RALYL: variants seen among roughly 807,000 people sequenced by gnomAD.
RALYL encodes the protein RNA-binding Raly-like protein.
A neutral mutation model predicts 35.1 loss-of-function variants in RALYL; 29 were observed. The observed-to-expected ratio is 0.83, with a 90% confidence interval of 0.61 to 1.13. The LOEUF is 1.13. RALYL is among the 50% of genes most tolerant of loss of function. The probability of loss-of-function intolerance (pLI) is 0.00; values close to 1 mark genes in which losing one functional copy is unlikely to be tolerated. For missense variants in RALYL, 359 were observed against 360.4 expected (o/e 1.00, Z 0.03); for synonymous variants, 120 against 127.6 (o/e 0.94, Z 0.40).
intron 1 of RALYL, among the ~76,000 whole-genome samples, chr8:84,516,161 A>T (rs1264660228): frequency 6.6e-6 from 1 of 152,138 alleles, no homozygotes; most frequent in Non-Finnish European, 1.5e-5. Context: ...TTGTAAACAC[A>T]TTTAATGAAC....
At chr8:84,840,972 A>G (rs1833160348) in intron 4 of RALYL, among the ~76,000 whole-genome samples, 1 of 152,214 alleles carries the variant, frequency 6.6e-6, no homozygotes, top group South Asian at 2.1e-4. Flanking sequence ...AGGAAGCACT[A>G]AACATGGAAA....
intron 1 of RALYL, among the ~76,000 whole-genome samples, chr8:84,503,709 C>T (rs772137199): frequency 9.2e-5 from 14 of 151,708 alleles, no homozygotes; most frequent in African/African-American, 1.2e-4. Flanking sequence ...ATTAGCCAGG[C>T]GTGGTGGCAG....
chr8:84,527,379 C>A (rs1436728852), intron 1 of RALYL, among the ~76,000 whole-genome samples: 1 of 152,182 alleles, frequency 6.6e-6, no homozygotes, highest in Non-Finnish European at 1.5e-5. Context: ...GACCACCGGG[C>A]TCTGTAAACC....
chr8:84,771,161 T>G (rs933442082), intron 2 of RALYL, among the ~76,000 whole-genome samples: 1 of 152,170 alleles, frequency 6.6e-6, no homozygotes, highest in African/African-American at 2.4e-5. Context: ...TTTTGTTCAG[T>G]GTTAGGTTTC....
At chr8:84,378,325 A>AAT in intron 1 of RALYL, among the ~76,000 whole-genome samples, 1 of 151,878 alleles carries the variant, frequency 6.6e-6, no homozygotes, top group East Asian at 1.9e-4. Context: ...TAATCTTTTC[A>AAT]ATATATATAG....
chr8:84,824,532 C>CA (rs972746088), intron 4 of RALYL, among the ~76,000 whole-genome samples: 5 of 151,642 alleles, frequency 3.3e-5, no homozygotes, highest in African/African-American at 1.2e-4. Flanking sequence ...CAAAGGAAAC[C>CA]AAAAAAAGAG....
At chr8:84,866,224 A>T (rs1839145772) in intron 6 of RALYL, among the ~76,000 whole-genome samples, 2 of 152,132 alleles carry the variant, frequency 1.3e-5, no homozygotes, top group Admixed American at 1.3e-4. Flanking sequence ...GGGAGACAAG[A>T]TCTGGGTGGA....
intron 1 of RALYL, among the ~76,000 whole-genome samples, chr8:84,335,148 G>A (rs945362518): frequency 6.6e-6 from 1 of 152,140 alleles, no homozygotes; most frequent in Non-Finnish European, 1.5e-5. Flanking sequence ...GGTTTACTAA[G>A]TTCAAAGAAT....
chr8:84,658,368 T>C (rs1379665587), intron 2 of RALYL, among the ~76,000 whole-genome samples: 2 of 152,200 alleles, frequency 1.3e-5, no homozygotes, highest in Non-Finnish European at 2.9e-5. Flanking sequence ...GGCTGCAACC[T>C]TTATGAAAAG....
At chr8:84,692,047 A>AC (rs1238039954) in intron 2 of RALYL, among the ~76,000 whole-genome samples, 1 of 152,026 alleles carries the variant, frequency 6.6e-6, no homozygotes, top group Non-Finnish European at 1.5e-5. Flanking sequence ...TTTAAAAAAA[A>AC]CTTTGGAAAA....
chr8:84,570,212 C>A (rs1428234480), intron 2 of RALYL, among the ~76,000 whole-genome samples: 1 of 151,916 alleles, frequency 6.6e-6, no homozygotes, highest in Non-Finnish European at 1.5e-5. Context: ...TACTTTCAAT[C>A]CATGAGCATG....
chr8:84,627,690 A>G (rs777576009), intron 2 of RALYL, among the ~76,000 whole-genome samples: 1 of 151,752 alleles, frequency 6.6e-6, no homozygotes, highest in Non-Finnish European at 1.5e-5. Flanking sequence ...GCTCAGACCT[A>G]TTCTATGAGC....
rs1413983600 is a variant in RALYL, at chr8:84,254,776, C to T, written c.-24+70352C>T. ...AAAAAAAAAAGAGGTTTAATTGACTCACAGCTCACCATGGCTGGGGAAGCT... is the reference window on the plus strand; with the variant it reads ...AAAAAAAAAAGAGGTTTAATTGACTTACAGCTCACCATGGCTGGGGAAGCT... On this transcript the variant is annotated intron_variant, in intron 1 of 8. Coordinates refer to ENST00000521268, the MANE Select transcript of RALYL (RefSeq NM_173848.7). 2.2e-5 allele frequency among the ~76,000 whole-genome samples: 3 copies of T among 139,502 alleles called. No homozygotes were observed. In the East Asian group the frequency reaches 6.3e-4, roughly 29 times the overall value. 91.5% of individuals were successfully genotyped at this position (139,502 alleles called of 152,430 possible). A position where few individuals can be genotyped will look rare whatever the true frequency, so the allele number is the denominator to read the frequency against.
chr8:84,656,565 T>A (rs1490397913), intron 2 of RALYL, among the ~76,000 whole-genome samples: 1 of 152,184 alleles, frequency 6.6e-6, no homozygotes, highest in African/African-American at 2.4e-5. Context: ...TCATGATGTT[T>A]GGTAAATAGT....
intron 1 of RALYL, among the ~76,000 whole-genome samples, chr8:84,264,435 C>T (rs1226605750): frequency 1.3e-5 from 2 of 149,488 alleles, no homozygotes; most frequent in Non-Finnish European, 3.0e-5. Flanking sequence ...GTGTCCGTTG[C>T]CCACTTTTTA....
At chr8:84,295,934 G>A (rs1839669122) in intron 1 of RALYL, among the ~76,000 whole-genome samples, 1 of 152,086 alleles carries the variant, frequency 6.6e-6, no homozygotes, top group Non-Finnish European at 1.5e-5. Context: ...ACACTACCAG[G>A]ACACTTTGAG....
chr8:84,747,830 A>G (rs1279606295), intron 2 of RALYL, among the ~76,000 whole-genome samples: 1 of 151,976 alleles, frequency 6.6e-6, no homozygotes, highest in African/African-American at 2.4e-5. Context: ...GACATTTGTC[A>G]CTTAATCACA....
rs537767391 is a variant in RALYL, at chr8:84,806,065, T to G, written c.365+1263T>G. Among the ~76,000 whole-genome samples, 3 of 152,330 alleles carry G rather than the reference T, an allele frequency of 2.0e-5. No individual in the cohort carries two copies. In the South Asian group the frequency reaches 6.2e-4, roughly 32 times the overall value. Reference sequence around the variant, plus strand: ...TACTTTGTACATGGTCATTGAATATTTCTATCAATCACTCATTCAACAACA... The same window carrying G: ...TACTTTGTACATGGTCATTGAATATGTCTATCAATCACTCATTCAACAACA... On this transcript the variant is annotated intron_variant, in intron 4 of 8. Transcript: ENST00000521268.
chr8:84,504,282 C>T (rs552404341), intron 1 of RALYL, among the ~76,000 whole-genome samples: 2 of 152,104 alleles, frequency 1.3e-5, no homozygotes, highest in South Asian at 4.1e-4. Flanking sequence ...ATTCATTTCA[C>T]CAATCAGATT....
Sources: allele counts gnomAD v4.1 joint callset (sites outside exome capture counted in the v4.1 genomes callset), GRCh38; gene constraint gnomAD v4.1.1; transcripts MANE v1.5; gene names NCBI Gene and HGNC (gene_info 2026-07-23, HGNC 2026-07-21).